Variants in NRG4 observed in about 807,000 individuals in gnomAD.
The protein encoded by NRG4 is pro-neuregulin-4, membrane-bound isoform.
A neutral mutation model predicts 15.0 loss-of-function variants in NRG4; 10 were observed. The observed-to-expected ratio is 0.67, with a 90% CI of 0.41 to 1.13. NRG4 has a LOEUF of 1.13. NRG4 is among the 50% of genes most tolerant of loss of function. NRG4 has a pLI of 0.00. For missense variants in NRG4, 139 were observed against 140.2 expected, an observed-to-expected ratio of 0.99 and a Z score of 0.04; for synonymous variants, 41 against 50.1, an observed-to-expected ratio of 0.82 and a Z score of 0.77.
intron 5 of NRG4, chr15:76,035,901 C>T (rs2035586790): frequency 6.6e-6 from 1 of 152,072 alleles, no homozygotes; most frequent in South Asian, 2.1e-4. Flanking sequence ...AATAGATAAA[C>T]GTTGTGAAAA....
At position 75,945,893 on chromosome 15, in the gene NRG4, C is replaced by T. The variant is rs574392981; in HGVS notation, c.332-2239G>A. The T allele has an allele frequency of 5.3e-5, 8 of 152,150 alleles. No individual in the cohort carries two copies. In the South Asian group the frequency reaches 8.3e-4, roughly 16 times the overall value. The allele number at this position is 152,150 out of a possible 1,614,324, so 9.4% of individuals were successfully genotyped here. ...ACCTAAATATACTATTTTTCCTGTA[C>T]CTATGATAAAGTTTATAAATTGGAC... On this transcript the variant is annotated intron_variant, in intron 5 of 5. Transcript: ENST00000394907.
chr15:76,017,447 C>A (rs1383128254), intron 5 of NRG4, among the ~76,000 whole-genome samples: 4 of 151,918 alleles, frequency 2.6e-5, no homozygotes, highest in African/African-American at 9.7e-5. Context: ...ATGGTCTTTA[C>A]AATTTGTTTT....
chr15:75,949,392 C>CAAA (rs59154521), intron 5 of NRG4, among the ~76,000 whole-genome samples: 6 of 144,402 alleles, frequency 4.2e-5, no homozygotes, highest in African/African-American at 1.0e-4. Context: ...GCCTGGGTGA[C>CAAA]AAAAAAAAAA....
At chr15:75,935,497 G>C (rs2030253435), downstream of NRG4, 1 of 151,876 alleles carries the variant, frequency 6.6e-6, no homozygotes, top group Non-Finnish European at 1.5e-5. Flanking sequence ...CTTTGTATAA[G>C]GCTTAAGCAA....
intron 3 of NRG4, among the ~76,000 whole-genome samples, chr15:75,997,910 G>A (rs1468293074): frequency 1.3e-5 from 2 of 152,176 alleles, no homozygotes; most frequent in Non-Finnish European, 2.9e-5. Flanking sequence ...CAGTCTAACT[G>A]TATGTGAGGC....
chr15:75,979,214 A>T (rs2033500325), intron 3 of NRG4, among the ~76,000 whole-genome samples: 1 of 152,184 alleles, frequency 6.6e-6, no homozygotes, highest in Admixed American at 6.5e-5. Flanking sequence ...AGTGTCCTAA[A>T]GCATTTCCCC....
chr15:75,971,732 GCTAAACTCAAATT>G (rs1173012537), intron 3 of NRG4, among the ~76,000 whole-genome samples: 1 of 152,088 alleles, frequency 6.6e-6, no homozygotes, highest in Non-Finnish European at 1.5e-5. Flanking sequence ...CTTTAAAGGT[GCTAAACTCAAATT>G]CTTCTCACCA....
intron 5 of NRG4, among the ~76,000 whole-genome samples, chr15:75,946,727 AC>A (rs1567068438): frequency 2.0e-5 from 3 of 151,906 alleles, no homozygotes; most frequent in Non-Finnish European, 4.4e-5. Context: ...ATTCCTCCCG[AC>A]AGCCCTGGTG....
At chr15:75,990,275 A>C (rs1234436663) in intron 3 of NRG4, among the ~76,000 whole-genome samples, 1 of 152,136 alleles carries the variant, frequency 6.6e-6, no homozygotes, top group Non-Finnish European at 1.5e-5. Flanking sequence ...TAGTGCATCC[A>C]CAAATTTCAG....
At chr15:76,047,716 T>C (rs1330292659) in intron 4 of NRG4, among the ~76,000 whole-genome samples, 2 of 151,064 alleles carry the variant, frequency 1.3e-5, no homozygotes, top group Non-Finnish European at 2.9e-5. Context: ...TGGTAAATTT[T>C]ATATGTATAT....
Position 75,979,798 on chromosome 15 carries a change from A to G in NRG4, c.105-17824T>C, listed in dbSNP as rs1595982282. On this transcript the variant is annotated intron_variant, in intron 3 of 5. Transcript: ENST00000394907. ...TACTAAATTTTGCTTTCATTACATA[A>G]ATTTCTTGCCTCCTATATATGCCCA... Among the ~76,000 whole-genome samples the G allele has an allele frequency of 2.0e-5, 3 of 152,166 alleles. No individual in the cohort carries two copies. The South Asian group carries it at 6.2e-4, about 32-fold the overall frequency.
At chr15:75,964,152 AACACACAC>A (rs150729499) in intron 3 of NRG4, among the ~76,000 whole-genome samples, 1 of 151,024 alleles carries the variant, frequency 6.6e-6, no homozygotes, top group African/African-American at 2.4e-5. Context: ...AACACACATA[AACACACAC>A]ACACACACGC....
chr15:75,989,810 A>T (rs1254264638), intron 3 of NRG4, among the ~76,000 whole-genome samples: 1 of 151,790 alleles, frequency 6.6e-6, no homozygotes, highest in Non-Finnish European at 1.5e-5. Context: ...GTATCTAGTA[A>T]TTTTGCATTG....
At chr15:76,014,527 G>T (rs914690423), upstream of NRG4, among the ~76,000 whole-genome samples, 2 of 152,106 alleles carry the variant, frequency 1.3e-5, no homozygotes, top group African/African-American at 4.8e-5. Flanking sequence ...TATATGAGGT[G>T]TAAGGAAGGG....
intron 3 of NRG4, among the ~76,000 whole-genome samples, chr15:75,964,948 G>A (rs909475454): frequency 4.6e-5 from 7 of 151,884 alleles, no homozygotes; most frequent in South Asian, 2.1e-4. Context: ...AAAAGAGGCC[G>A]GACGCAGTGC....
At chr15:76,054,512 T>G (rs1172320852) in intron 2 of NRG4, among the ~76,000 whole-genome samples, 1 of 152,182 alleles carries the variant, frequency 6.6e-6, no homozygotes, top group Non-Finnish European at 1.5e-5. Flanking sequence ...CCTCCCCGGT[T>G]CAAGCGATTC....
intron 3 of NRG4, among the ~76,000 whole-genome samples, chr15:75,992,275 TTTTATA>T (rs1390715234): frequency 2.6e-5 from 4 of 152,192 alleles, no homozygotes; most frequent in Non-Finnish European, 5.9e-5. Flanking sequence ...TAAGAGACAG[TTTTATA>T]TTTACGCATA....
rs1376929565 is a variant in NRG4, at chr15:75,942,953, A to C, written c.*685T>G. On this transcript the variant is annotated 3_prime_UTR_variant, in exon 6 of 6. Transcript: ENST00000394907. ...ATGCACTAAAAATTACAAGGGAAAT[A>C]GGTTTGGAACTTTGTGACCTGTGTA... The C allele has an allele frequency of 2.6e-5, 4 of 152,250 alleles. No homozygotes were observed. Among genetic ancestry groups the C allele is most frequent in the Non-Finnish European group, 5.9e-5 (4 of 68,064 alleles). 9.4% of individuals were successfully genotyped at this position (152,250 alleles called of 1,614,324 possible).
intron 3 of NRG4, among the ~76,000 whole-genome samples, chr15:75,982,711 G>T (rs2033651519): frequency 6.6e-6 from 1 of 152,172 alleles, no homozygotes; most frequent in African/African-American, 2.4e-5. Context: ...AGCTATGGGG[G>T]CCTTGCATGG....
Sources: gnomAD v4.1 joint callset for allele counts (sites outside exome capture counted in the v4.1 genomes callset) on GRCh38, gnomAD v4.1.1 for gene constraint, MANE v1.5 for transcripts, NCBI Gene and HGNC (gene_info 2026-07-23, HGNC 2026-07-21) for gene names.